Variants in RGS8 observed in about 807,000 individuals in gnomAD.
The protein encoded by RGS8 is regulator of G-protein signaling 8.
A neutral mutation model predicts 21.7 loss-of-function variants in RGS8; 8 were observed. That is an observed-to-expected ratio of 0.37 (90% CI 0.22 to 0.66). RGS8 has a LOEUF of 0.66. Among genes scored for constraint, RGS8 ranks in the 30% least tolerant of loss-of-function variants. The pLI is 0.59. For synonymous variants in RGS8, 80 were observed against 83.6 expected (o/e 0.96, Z 0.24); for missense variants, 157 against 217.9 (o/e 0.72, Z 1.76).
At chr1:182,746,656 AGAAAGAAAGAAAGAAGGAG>A in the RGS8 span, among the ~76,000 whole-genome samples, 5 of 151,968 alleles carry the variant, frequency 3.3e-5, no homozygotes, top group Non-Finnish European at 5.9e-5. Context: ...TGTCAAAAAA[AGAAAGAAAGAAAGAAGGAG>A]GAAAGAAAGA....
the RGS8 span, among the ~76,000 whole-genome samples, chr1:182,748,975 A>T: frequency 6.6e-6 from 1 of 150,882 alleles, no homozygotes; most frequent in East Asian, 2.0e-4. Flanking sequence ...TGTTGTTTGC[A>T]CTCCTTATAT....
the RGS8 span, among the ~76,000 whole-genome samples, chr1:182,725,027 G>T: frequency 8.5e-5 from 13 of 152,234 alleles, no homozygotes; most frequent in Admixed American, 7.2e-4. Flanking sequence ...AGAGGGAAAG[G>T]CTGATGGGTT....
chr1:182,735,574 G>A, the RGS8 span, among the ~76,000 whole-genome samples: 1 of 152,268 alleles, frequency 6.6e-6, no homozygotes, highest in Non-Finnish European at 1.5e-5. Context: ...AAGATAAGCA[G>A]GGCGCTATGG....
At chr1:182,687,401 A>G (rs1664735151), upstream of RGS8, among the ~76,000 whole-genome samples, 1 of 152,232 alleles carries the variant, frequency 6.6e-6, no homozygotes, top group Non-Finnish European at 1.5e-5. Context: ...GCACTTGACA[A>G]CTATTGGCTT....
upstream of RGS8, among the ~76,000 whole-genome samples, chr1:182,686,295 C>A (rs557207112): frequency 6.6e-6 from 1 of 152,198 alleles, no homozygotes; most frequent in East Asian, 1.9e-4. Flanking sequence ...AAACTTTAAA[C>A]AAAGAAGTGT....
the RGS8 span, among the ~76,000 whole-genome samples, chr1:182,719,322 A>T: frequency 6.7e-6 from 1 of 148,834 alleles, no homozygotes. Flanking sequence ...ATGTATAAGT[A>T]TCCTTTACAA....
chr1:182,722,812 T>C, the RGS8 span, among the ~76,000 whole-genome samples: 1 of 151,812 alleles, frequency 6.6e-6, no homozygotes, highest in Non-Finnish European at 1.5e-5. Flanking sequence ...CCGTCTCTAC[T>C]AAAAAATAGA....
chr1:182,695,081 A>G, the RGS8 span, among the ~76,000 whole-genome samples: 60 of 11,510 alleles, frequency 5.2e-3, no homozygotes, highest in African/African-American at 0.024. Context: ...GATAGACTGT[A>G]TTTGGGAATC....
chr1:182,704,117 G>A, the RGS8 span, among the ~76,000 whole-genome samples: 1 of 152,184 alleles, frequency 6.6e-6, no homozygotes, highest in Non-Finnish European at 1.5e-5. Context: ...AGCCCAGGGG[G>A]CTTTTGATTG....
chr1:182,703,559 A>G, the RGS8 span, among the ~76,000 whole-genome samples: 2,944 of 152,286 alleles, frequency 0.019, 112 homozygotes, highest in African/African-American at 0.067. Flanking sequence ...ATCCATGCTC[A>G]CAGCATCCTT....
chr1:182,667,385 C>A (rs1483302108), intron 3 of RGS8, among the ~76,000 whole-genome samples: 2 of 152,168 alleles, frequency 1.3e-5, no homozygotes, highest in Admixed American at 1.3e-4. Context: ...GAAGGGGTAC[C>A]AACACCAGGA....
At chr1:182,705,295 G>A in the RGS8 span, among the ~76,000 whole-genome samples, 153 of 152,266 alleles carry the variant, frequency 1.0e-3, 2 homozygotes, top group South Asian at 0.015. Context: ...GAAGACAGAT[G>A]CCTCAGCTCA....
intron 5 of RGS8, chr1:182,658,725 T>C (rs1207606569): frequency 6.6e-6 from 1 of 152,232 alleles, no homozygotes; most frequent in African/African-American, 2.4e-5. Flanking sequence ...TTTGCACCTG[T>C]AATTCCAAAT....
At chr1:182,673,878 T>A (rs938334109), upstream of RGS8, among the ~76,000 whole-genome samples, 1 of 152,230 alleles carries the variant, frequency 6.6e-6, no homozygotes, top group Non-Finnish European at 1.5e-5. Context: ...ATAAGGTGAA[T>A]CCACATAGCT....
upstream of RGS8, among the ~76,000 whole-genome samples, chr1:182,686,261 G>A (rs901324461): frequency 1.3e-5 from 2 of 152,222 alleles, no homozygotes; most frequent in African/African-American, 2.4e-5. Context: ...GCAATGTAAA[G>A]GGTCCATTGG....
the RGS8 span, among the ~76,000 whole-genome samples, chr1:182,716,190 A>C: frequency 6.7e-6 from 1 of 149,624 alleles, no homozygotes; most frequent in Non-Finnish European, 1.5e-5. Context: ...CAGTGGCTTG[A>C]TCATAGCTCA....
At chr1:182,742,747 G>GGGAC in the RGS8 span, among the ~76,000 whole-genome samples, 14 of 150,412 alleles carry the variant, frequency 9.3e-5, no homozygotes, top group East Asian at 2.1e-4. Context: ...GGGAGAGGGA[G>GGGAC]AGGGACAGGG....
At chr1:182,742,771 C>T in the RGS8 span, among the ~76,000 whole-genome samples, 1 of 151,638 alleles carries the variant, frequency 6.6e-6, no homozygotes, top group African/African-American at 2.4e-5. Context: ...GGGACAGGGA[C>T]AGGGAGAGGG....
intron 5 of RGS8, among the ~76,000 whole-genome samples, chr1:182,654,720 A>C (rs988900347): frequency 6.6e-6 from 1 of 151,950 alleles, no homozygotes; most frequent in African/African-American, 2.4e-5. Context: ...TAAAAAAAAA[A>C]CCGTCATACA....
Sources: gnomAD v4.1 joint callset for allele counts (sites outside exome capture counted in the v4.1 genomes callset) on GRCh38, gnomAD v4.1.1 for gene constraint, MANE v1.5 for transcripts, NCBI Gene and HGNC (gene_info 2026-07-23, HGNC 2026-07-21) for gene names.